PARD3B: variants seen among roughly 807,000 people sequenced by gnomAD.
PARD3B encodes the protein partitioning defective 3 homolog B.
PARD3B carries 103 observed loss-of-function variants against 130.2 expected under a neutral mutation model. The ratio of observed to expected loss-of-function variants is 0.79; its 90% CI spans 0.67 to 0.93. PARD3B has a LOEUF of 0.93. PARD3B is among the 40% of genes least tolerant of loss of function. The pLI is 0.00. For synonymous variants in PARD3B, 583 were observed against 553.2 expected, an observed-to-expected ratio of 1.05 and a Z score of -0.76; for missense variants, 1,609 against 1,499.2, an observed-to-expected ratio of 1.07 and a Z score of -1.21.
intron 5 of PARD3B, among the ~76,000 whole-genome samples, chr2:205,112,390 A>G (rs1178893854): frequency 6.6e-6 from 1 of 152,158 alleles, no homozygotes; most frequent in Admixed American, 6.6e-5. Context: ...TACTTCGTGC[A>G]GAGTGAATTC....
intron 2 of PARD3B, among the ~76,000 whole-genome samples, chr2:204,688,723 T>A (rs2037210237): frequency 6.6e-6 from 1 of 152,188 alleles, no homozygotes; most frequent in African/African-American, 2.4e-5. Flanking sequence ...TTTGGCAGTT[T>A]AGATTAAGAA....
intron 2 of PARD3B, among the ~76,000 whole-genome samples, chr2:204,940,358 T>G (rs565546139): frequency 2.6e-5 from 4 of 152,234 alleles, no homozygotes; most frequent in African/African-American, 9.6e-5. Flanking sequence ...AAGGGATAAA[T>G]CAGAAAGTAG....
intron 21 of PARD3B, among the ~76,000 whole-genome samples, chr2:205,521,744 G>A (rs911015749): frequency 2.6e-5 from 4 of 151,410 alleles, no homozygotes; most frequent in African/African-American, 4.9e-5. Context: ...TGATAAGTAC[G>A]TTTGTTTTTT....
At chr2:205,494,490 C>G (rs942344833) in intron 20 of PARD3B, among the ~76,000 whole-genome samples, 1 of 152,144 alleles carries the variant, frequency 6.6e-6, no homozygotes, top group Non-Finnish European at 1.5e-5. Context: ...TATACCAGCT[C>G]TCTACATAAG....
chr2:205,177,131 TAA>T (rs1196086217), intron 13 of PARD3B, among the ~76,000 whole-genome samples: 2 of 152,140 alleles, frequency 1.3e-5, no homozygotes, highest in Non-Finnish European at 2.9e-5. Context: ...ACTCCAGATG[TAA>T]AAAAATCTGG....
rs1341715054 is a variant in PARD3B at position 205,615,765 on chromosome 2, C to T, written c.3570C>T (p.Tyr1190=). The change falls in exon 23 of 23, where the codon TAC becomes TAT. Residue 1190 remains tyrosine, a synonymous_variant. Transcript: ENST00000406610. ...PRGGSPDQYP[Y]RTQDSRQKNP... ...GGGGCAGCCCAGACCAGTACCCTTA[C>T]CGAACCCAGGATTCCCGGCAGAAGA... 1 of 1,614,020 alleles carries T rather than the reference C, an allele frequency of 6.2e-7. No individual in the cohort carries two copies. Among genetic ancestry groups the T allele is most frequent in the South Asian group, 1.1e-5 (1 of 91,062 alleles).
At chr2:204,636,453 AGTGTGTGTGTGTGTGTGTGT>A (rs10596741) in intron 1 of PARD3B, among the ~76,000 whole-genome samples, 3 of 139,396 alleles carry the variant, frequency 2.2e-5, no homozygotes, top group Non-Finnish European at 4.7e-5. Flanking sequence ...AGGTCAGGTG[AGTGTGTGTGTGTGTGTGTGT>A]GTGTGTGTGT....
At chr2:205,014,088 G>C (rs1695935591) in intron 3 of PARD3B, among the ~76,000 whole-genome samples, 1 of 152,192 alleles carries the variant, frequency 6.6e-6, no homozygotes, top group Non-Finnish European at 1.5e-5. Flanking sequence ...TCTGAGAAAA[G>C]TCTTCATCTA....
At position 205,578,431 on chromosome 2, in the gene PARD3B, G is replaced by A. The variant is rs554723336; in HGVS notation, c.3260+25028G>A. Among the ~76,000 whole-genome samples the A allele has an allele frequency of 9.2e-5, 14 of 152,096 alleles. No homozygotes were observed. The East Asian group carries it at 9.6e-4, about 10-fold the overall frequency. ...ATGTTTGTGACATTTAAGAAGTTACGACAGACACATCTATAACCCTACAAT... is the reference window on the plus strand; with the variant it reads ...ATGTTTGTGACATTTAAGAAGTTACAACAGACACATCTATAACCCTACAAT... On this transcript the variant is annotated intron_variant, in intron 22 of 22. Coordinates refer to ENST00000406610, the MANE Select transcript of PARD3B (RefSeq NM_001302769.2).
intron 20 of PARD3B, among the ~76,000 whole-genome samples, chr2:205,475,212 G>A (rs944772619): frequency 3.3e-5 from 5 of 152,010 alleles, no homozygotes; most frequent in South Asian, 2.1e-4. Context: ...AGAAAAATAA[G>A]AGCCTCACAG....
chr2:205,068,429 A>G (rs984549411), intron 4 of PARD3B, among the ~76,000 whole-genome samples: 6 of 152,110 alleles, frequency 3.9e-5, no homozygotes, highest in African/African-American at 1.2e-4. Context: ...ACATTTGTCT[A>G]TACTATTAGT....
At chr2:205,179,368 G>A (rs532408013) in intron 13 of PARD3B, among the ~76,000 whole-genome samples, 16 of 148,556 alleles carry the variant, frequency 1.1e-4, no homozygotes, top group Non-Finnish European at 1.5e-4. Context: ...GTAGTGTACA[G>A]TAGTGTTTTA....
Position 205,083,745 on chromosome 2 carries a change from G to A in PARD3B, c.505-20681G>A, listed in dbSNP as rs1248009964. Among the ~76,000 whole-genome samples, 3 of 150,608 alleles carry A rather than the reference G, an allele frequency of 2.0e-5. No homozygotes were observed. In the East Asian group the frequency reaches 5.8e-4, roughly 29 times the overall value. Reference sequence around the variant, plus strand: ...CATTTCTTTAGGCTTATTTTTTAGTGTTTTCAACACTTTATATGGTTTAGA... The same window carrying A: ...CATTTCTTTAGGCTTATTTTTTAGTATTTTCAACACTTTATATGGTTTAGA... On this transcript the variant is annotated intron_variant, in intron 4 of 22. Transcript: ENST00000406610.
intron 18 of PARD3B, among the ~76,000 whole-genome samples, chr2:205,379,180 A>G (rs1175043577): frequency 2.6e-5 from 4 of 152,198 alleles, no homozygotes; most frequent in Non-Finnish European, 5.9e-5. Context: ...CAAAGGCTCC[A>G]TAATTCAGCT....
intron 21 of PARD3B, among the ~76,000 whole-genome samples, chr2:205,529,082 T>C (rs969890481): frequency 1.3e-5 from 2 of 152,182 alleles, no homozygotes; most frequent in African/African-American, 4.8e-5. Context: ...CCTTTGTAAG[T>C]GGATGACCTG....
rs1316515548 is a variant in PARD3B, at chr2:204,553,687, TATATATATACAC to T, written c.120+7570_120+7581del. 8.5e-3 allele frequency among the ~76,000 whole-genome samples: 902 copies of T among 106,004 alleles called. 18 individuals carry two copies. The highest frequency in any genetic ancestry group is 0.037 in the African/African-American group (877 of 23,626). The allele number at this position is 106,004 out of a possible 152,430, so 69.5% of individuals were successfully genotyped here. ...ATATATATATATATATATATATATA[TATATATATACAC>T]ACATATATATAAAGGAATACACCTC... On this transcript the variant is annotated intron_variant, in intron 1 of 22. Coordinates refer to ENST00000406610, the MANE Select transcript of PARD3B (RefSeq NM_001302769.2).
In PARD3B at chr2:205,105,640, A is replaced by G. The variant is rs1339692836; in HGVS notation, c.593+1126A>G. On this transcript the variant is annotated intron_variant, in intron 5 of 22. Transcript: ENST00000406610. This position sits in a 1 kb window ranked among gnomAD's most constrained non-coding sequence, Gnocchi z 4.0. ...TTCTTTGACTGATGAGCTATACAGT[A>G]TTAAAAATTTGATGGAAACTAGGCT... 6.6e-6 allele frequency among the ~76,000 whole-genome samples: 1 copy of G among 152,100 alleles called. No individual in the cohort carries two copies. The highest frequency in any genetic ancestry group is 1.5e-5 in the Non-Finnish European group (1 of 67,996).
At chr2:204,631,160 C>T (rs1409927897) in intron 1 of PARD3B, among the ~76,000 whole-genome samples, 1 of 151,886 alleles carries the variant, frequency 6.6e-6, no homozygotes, top group East Asian at 1.9e-4. Context: ...ATCTTTTTCT[C>T]ATTAGTTTCA....
intron 15 of PARD3B, among the ~76,000 whole-genome samples, chr2:205,217,607 A>C (rs1274736873): frequency 6.6e-6 from 1 of 151,962 alleles, no homozygotes. Context: ...AACAAGATGC[A>C]GGAAGGAGAC....
Sources: gnomAD v4.1 joint callset for allele counts (sites outside exome capture counted in the v4.1 genomes callset) on GRCh38, gnomAD v4.1.1 for gene constraint, Gnocchi (gnomAD v3.1) non-coding constraint, MANE v1.5 for transcripts, NCBI Gene and HGNC (gene_info 2026-07-23, HGNC 2026-07-21) for gene names.